EPHB1: variants seen among roughly 807,000 people sequenced by gnomAD.
The protein encoded by EPHB1 is EPH receptor B1, also known as ephrin type-B receptor 1.
A neutral mutation model predicts 94.4 loss-of-function variants in EPHB1; 30 were observed. The observed-to-expected ratio is 0.32, with a 90% confidence interval of 0.24 to 0.43. The LOEUF is 0.43. Ranked by LOEUF, EPHB1 falls within the 20% of genes least tolerant of loss-of-function variation. The probability of loss-of-function intolerance (pLI) is 1.00; values close to 1 mark genes in which losing one functional copy is unlikely to be tolerated. For synonymous variants in EPHB1, 522 were observed against 489.1 expected, an observed-to-expected ratio of 1.07 and a Z score of -0.89; for missense variants, 1,055 against 1,308.3, an observed-to-expected ratio of 0.81 and a Z score of 2.99.
intron 2 of EPHB1, among the ~76,000 whole-genome samples, chr3:134,935,474 CA>C (rs1298705178): frequency 6.6e-6 from 1 of 152,172 alleles, no homozygotes; most frequent in East Asian, 1.9e-4. Context: ...GGATCATGCC[CA>C]GGATTTGGGA....
chr3:134,821,295 G>A (rs1039824327), intron 1 of EPHB1, among the ~76,000 whole-genome samples: 1 of 152,156 alleles, frequency 6.6e-6, no homozygotes, highest in African/African-American at 2.4e-5. Flanking sequence ...CCTCATGGAA[G>A]CACACAGGGT....
chr3:134,852,983 G>C (rs1319056416), intron 1 of EPHB1, among the ~76,000 whole-genome samples: 2 of 152,158 alleles, frequency 1.3e-5, no homozygotes, highest in Non-Finnish European at 2.9e-5. Flanking sequence ...CAGAGGGCAG[G>C]TGGGGTCACT....
chr3:135,062,449 T>C (rs1237278522), intron 3 of EPHB1, among the ~76,000 whole-genome samples: 1 of 152,246 alleles, frequency 6.6e-6, no homozygotes, highest in Non-Finnish European at 1.5e-5. Flanking sequence ...TTAGTGATGC[T>C]GAGCATTTTT....
chr3:135,249,576 T>C (rs1932979684), intron 15 of EPHB1, 85 bp downstream of exon 15: 1 of 1,467,760 alleles, frequency 6.8e-7, no homozygotes. Context: ...GAGTCCTATT[T>C]CTGGCCTCAT....
intron 3 of EPHB1, among the ~76,000 whole-genome samples, chr3:135,101,089 G>T (rs1181826586): frequency 6.6e-6 from 1 of 152,142 alleles, no homozygotes; most frequent in Non-Finnish European, 1.5e-5. Flanking sequence ...GGCTGCACTG[G>T]TGTTAGAAAT....
intron 10 of EPHB1, among the ~76,000 whole-genome samples, chr3:135,188,556 A>G (rs1942388631): frequency 6.6e-6 from 1 of 152,222 alleles, no homozygotes; most frequent in South Asian, 2.1e-4. Flanking sequence ...TTTGTAGTTT[A>G]CAAAGCACTT....
At chr3:135,069,650 G>GT (rs1246761372) in intron 3 of EPHB1, among the ~76,000 whole-genome samples, 1 of 152,156 alleles carries the variant, frequency 6.6e-6, no homozygotes, top group East Asian at 1.9e-4. Context: ...CAGAGCCCAA[G>GT]TGCTGCCCTG....
intron 3 of EPHB1, among the ~76,000 whole-genome samples, chr3:135,023,901 A>G (rs955915419): frequency 1.5e-4 from 23 of 152,242 alleles, no homozygotes; most frequent in African/African-American, 5.3e-4. Flanking sequence ...AACTCTTTAA[A>G]AAATAATTCC....
intron 3 of EPHB1, among the ~76,000 whole-genome samples, chr3:135,078,136 A>C (rs1938013435): frequency 6.6e-6 from 1 of 152,194 alleles, no homozygotes; most frequent in South Asian, 2.1e-4. Context: ...TTCCTGCTCA[A>C]GGGTAGATTT....
chr3:135,215,133 G>T (rs918046032), intron 12 of EPHB1, among the ~76,000 whole-genome samples: 4 of 152,046 alleles, frequency 2.6e-5, no homozygotes, highest in African/African-American at 9.7e-5. Context: ...CATGGCAAGA[G>T]ATGGCAGATG....
chr3:134,842,336 C>T (rs937110897), intron 1 of EPHB1, among the ~76,000 whole-genome samples: 1 of 152,156 alleles, frequency 6.6e-6, no homozygotes, highest in Admixed American at 6.5e-5. Context: ...GTTATAGCAG[C>T]CCAAACAGAT....
intron 5 of EPHB1, among the ~76,000 whole-genome samples, chr3:135,141,762 C>CCACCA (rs767227526): frequency 1.1e-4 from 17 of 152,080 alleles, no homozygotes; most frequent in Non-Finnish European, 2.2e-4. Flanking sequence ...TGATGAGGTA[C>CCACCA]CACCAGTAAC....
At chr3:135,154,124 G>GCTACCCTGTTTCTTTCTCTCTC in intron 5 of EPHB1, 28 bp from the exon 6 acceptor site, 1 of 1,613,506 alleles carries the variant, frequency 6.2e-7, no homozygotes, top group Non-Finnish European at 8.5e-7. Context: ...TGTCTGTTCA[G>GCTACCCTGTTTCTTTCTCTCTC]CTACCCTGTT....
chr3:135,058,579 G>A (rs937052873), intron 3 of EPHB1, among the ~76,000 whole-genome samples: 2 of 152,216 alleles, frequency 1.3e-5, no homozygotes, highest in African/African-American at 4.8e-5. Flanking sequence ...TCCTGAGGGT[G>A]CTCCCATTCA....
intron 12 of EPHB1, among the ~76,000 whole-genome samples, chr3:135,201,943 T>C (rs1157804929): frequency 2.6e-5 from 4 of 152,016 alleles, no homozygotes; most frequent in Non-Finnish European, 4.4e-5. Context: ...TAGTGTTCCT[T>C]GGGAAGAGGA....
At chr3:135,061,373 C>CCG (rs1553727858) in intron 3 of EPHB1, among the ~76,000 whole-genome samples, 1 of 135,794 alleles carries the variant, frequency 7.4e-6, no homozygotes, top group Non-Finnish European at 1.6e-5. Flanking sequence ...TGACCACCCC[C>CCG]CCCGACCCAA....
At chr3:134,882,774 C>CTTT (rs56405093) in intron 1 of EPHB1, among the ~76,000 whole-genome samples, 706 of 52,298 alleles carry the variant, frequency 0.013, 26 homozygotes, top group East Asian at 0.11. Context: ...TCCTTTCTTT[C>CTTT]TTTCTTTCTT....
At chr3:135,111,862 T>C (rs903309896) in intron 4 of EPHB1, among the ~76,000 whole-genome samples, 1 of 152,072 alleles carries the variant, frequency 6.6e-6, no homozygotes, top group African/African-American at 2.4e-5. Flanking sequence ...GTATTTTTAG[T>C]AGAGATGGGG....
intron 5 of EPHB1, among the ~76,000 whole-genome samples, chr3:135,151,383 C>T (rs6764962): frequency 0.98 from 149,110 of 152,140 alleles, 73,128 homozygotes; most frequent in East Asian, 1. Flanking sequence ...GCTCCAGATA[C>T]CCACTCAGCT....
Sources: allele counts gnomAD v4.1 joint callset (sites outside exome capture counted in the v4.1 genomes callset), GRCh38; gene constraint gnomAD v4.1.1; transcripts MANE v1.5; gene names NCBI Gene and HGNC (gene_info 2026-07-23, HGNC 2026-07-21).